The following PLS3 variants were observed in gnomAD, a reference collection of about 807,000 sequenced individuals.
The protein encoded by PLS3 is plastin 3, also known as plastin-3.
A neutral mutation model predicts 46.5 loss-of-function variants in PLS3; 11 were observed. The ratio of observed to expected loss-of-function variants is 0.24; its 90% CI spans 0.15 to 0.39. PLS3 has a LOEUF of 0.39. Ranked by LOEUF, PLS3 falls within the 10% of genes least tolerant of loss-of-function variation. PLS3 has a pLI of 1.00. For synonymous variants in PLS3, 167 were observed against 162.2 expected, an observed-to-expected ratio of 1.03 and a Z score of -0.22; for missense variants, 308 against 461.8, an observed-to-expected ratio of 0.67 and a Z score of 3.05.
chrX:115,633,927 A>G (rs1437098006), intron 5 of PLS3, 73 bp from the exon 6 acceptor site: 1 of 571,607 alleles, frequency 1.7e-6, no homozygotes, highest in African/African-American at 2.3e-5. Flanking sequence ...ATTTGTAAAT[A>G]TTTACAGCCA....
At chrX:115,596,284 A>C (rs7471659) in intron 1 of PLS3, among the ~76,000 whole-genome samples, 2 of 111,833 alleles carry the variant, frequency 1.8e-5, no homozygotes, top group Non-Finnish European at 3.8e-5. Flanking sequence ...TATAGCCTGC[A>C]TGATGTATAG....
intron 1 of PLS3, among the ~76,000 whole-genome samples, chrX:115,595,369 A>G (rs1196039366): frequency 4.5e-5 from 5 of 111,775 alleles, no homozygotes; most frequent in African/African-American, 1.3e-4. Flanking sequence ...CTAATGATCA[A>G]TTATAGCACA....
chrX:115,589,385 C>T (rs1191313428), intron 1 of PLS3, among the ~76,000 whole-genome samples: 6 of 111,791 alleles, frequency 5.4e-5, no homozygotes, highest in African/African-American at 2.0e-4. Context: ...AGTTTATATA[C>T]CTAATGCTGT....
chrX:115,575,746 A>G (rs928757657), intron 1 of PLS3, among the ~76,000 whole-genome samples: 20 of 111,078 alleles, frequency 1.8e-4, no homozygotes, highest in African/African-American at 6.0e-4. Context: ...CCTGGCCTCT[A>G]TCTAAGTTTA....
intron 11 of PLS3, 29 bp from the exon 12 acceptor site, chrX:115,646,043 C>T: frequency 1.2e-6 from 1 of 866,377 alleles, no homozygotes; most frequent in Non-Finnish European, 1.7e-6. Context: ...TTCCTGAAAA[C>T]ACTGATTACA....
intron 1 of PLS3, among the ~76,000 whole-genome samples, chrX:115,608,362 G>A (rs1304003104): frequency 8.9e-6 from 1 of 112,154 alleles, no homozygotes; most frequent in Non-Finnish European, 1.9e-5. Context: ...AATTTAACCC[G>A]TAGTATATTT....
chrX:115,563,305 C>T (rs1255708282), intron 1 of PLS3, among the ~76,000 whole-genome samples: 1 of 111,634 alleles, frequency 9.0e-6, no homozygotes, highest in Non-Finnish European at 1.9e-5. Flanking sequence ...AGAAATCATG[C>T]ACAAAAACAG....
chrX:115,570,507 T>G (rs1556630566), intron 1 of PLS3, among the ~76,000 whole-genome samples: 1 of 97,534 alleles, frequency 1.0e-5, no homozygotes, highest in African/African-American at 4.1e-5. Context: ...ACCTTCCTTT[T>G]TTTTTTTTTT....
At chrX:115,592,071 C>T (rs782019576) in intron 1 of PLS3, among the ~76,000 whole-genome samples, 2 of 111,897 alleles carry the variant, frequency 1.8e-5, no homozygotes, top group African/African-American at 3.2e-5. Flanking sequence ...GGGGACTATC[C>T]GGTGAGGGCT....
chrX:115,632,337 T>G (rs782055118), intron 5 of PLS3, among the ~76,000 whole-genome samples: 1 of 110,780 alleles, frequency 9.0e-6, no homozygotes, highest in Non-Finnish European at 1.9e-5. Flanking sequence ...GGCTCGCACC[T>G]GTAATCCCAG....
At chrX:115,578,018 T>G (rs782032671) in intron 1 of PLS3, among the ~76,000 whole-genome samples, 1 of 111,555 alleles carries the variant, frequency 9.0e-6, no homozygotes, top group Non-Finnish European at 1.9e-5. Context: ...AGGGGAGAGA[T>G]AGAAAATAAA....
chrX:115,567,955 G>A (rs1459992961), intron 1 of PLS3, among the ~76,000 whole-genome samples: 1 of 111,183 alleles, frequency 9.0e-6, no homozygotes, highest in Non-Finnish European at 1.9e-5. Flanking sequence ...TCATATTATT[G>A]TGTTCCACAT....
intron 3 of PLS3, among the ~76,000 whole-genome samples, chrX:115,624,027 AG>A (rs2074683872): frequency 9.0e-6 from 1 of 111,067 alleles, no homozygotes; most frequent in Non-Finnish European, 1.9e-5. Context: ...CAGAAGATCG[AG>A]GGCCATACTG....
chrX:115,565,931 G>A (rs978951331), intron 1 of PLS3, among the ~76,000 whole-genome samples: 1 of 111,655 alleles, frequency 9.0e-6, no homozygotes, highest in Admixed American at 9.5e-5. Flanking sequence ...AAAGCATTGA[G>A]CATAGAATTT....
intron 1 of PLS3, among the ~76,000 whole-genome samples, chrX:115,583,398 A>G (rs781879500): frequency 2.8e-4 from 32 of 112,949 alleles, no homozygotes; most frequent in African/African-American, 1.0e-3. Flanking sequence ...GCTTGCAGGA[A>G]TTACATGGAA....
rs1014716127 is a variant in PLS3 at position 115,613,785 on chromosome X, A to G, written c.73+3462A>G. Among the ~76,000 whole-genome samples the G allele has an allele frequency of 2.7e-5, 3 of 109,895 alleles. No homozygotes were observed. The South Asian group carries it at 1.2e-3, about 43-fold the overall frequency. On this transcript the variant is annotated intron_variant, in intron 2 of 15. Coordinates refer to ENST00000355899, the MANE Select transcript of PLS3 (RefSeq NM_005032.7). ...AATGCTGGGATTACAGGCTTGAGCC[A>G]TGGTACCTGGCCAGCCAGGTATATT...
At chrX:115,615,340 A>G (rs190842650) in intron 2 of PLS3, among the ~76,000 whole-genome samples, 1 of 111,134 alleles carries the variant, frequency 9.0e-6, no homozygotes, top group East Asian at 2.8e-4. Context: ...CTGCAGGAAC[A>G]TGGCTGTGTA....
intron 3 of PLS3, among the ~76,000 whole-genome samples, chrX:115,625,910 T>C (rs1556638409): frequency 9.8e-5 from 11 of 112,115 alleles, no homozygotes; most frequent in Admixed American, 3.8e-4. Flanking sequence ...AAAAAACATA[T>C]ATATTCCATA....
intron 1 of PLS3, among the ~76,000 whole-genome samples, chrX:115,589,491 C>T (rs782578685): frequency 9.0e-6 from 1 of 111,594 alleles, no homozygotes; most frequent in Admixed American, 9.6e-5. Context: ...TATGTTAGAT[C>T]CCTTTGCTTC....
Sources: gnomAD v4.1 joint callset for allele counts (sites outside exome capture counted in the v4.1 genomes callset) on GRCh38, gnomAD v4.1.1 for gene constraint, MANE v1.5 for transcripts, NCBI Gene and HGNC (gene_info 2026-07-23, HGNC 2026-07-21) for gene names.